The following CLDN25 variants were observed in gnomAD, a reference collection of about 807,000 sequenced individuals.
CLDN25 encodes the protein claudin 25.
For synonymous variants in CLDN25, 117 were observed against 112.7 expected (o/e 1.04, Z -0.24); for missense variants, 286 against 279.7 (o/e 1.02, Z -0.16).
rs371879188 is a variant in CLDN25 at position 113,779,919 on chromosome 11, G to T, written c.124G>T (p.Glu42Ter). 14 of 1,613,612 alleles carry T rather than the reference G, an allele frequency of 8.7e-6. No individual in the cohort carries two copies. The highest frequency in any genetic ancestry group is 8.0e-5 in the African/African-American group (6 of 74,694). The change falls in exon 1 of 1, where the codon GAG (glutamate) becomes TAG (stop). Residue 42 changes from glutamate (E) to a stop codon, truncating the protein, a stop_gained. Transcript: ENST00000453129. LOFTEE classifies it low-confidence loss of function (END_TRUNC). ...GAAGACTCTTAATCTGGAACTGAAC[G>T]AGATGGAGACCTGGATCATGGGGAT...
rs187854554 is a variant in CLDN25, at chr11:113,780,216, G to T, written c.421G>T (p.Ala141Ser). ...TACCCTCCTTCCAGTCTCCTGGGTGGCCCATGCCACAATCCAAGACTTCTG... is the reference window on the plus strand; with the variant it reads ...TACCCTCCTTCCAGTCTCCTGGGTGTCCCATGCCACAATCCAAGACTTCTG... The change falls in exon 1 of 1, where the codon GCC becomes TCC. Residue 141 changes from alanine to serine, a missense_variant. By Grantham distance (99) the Ala-to-Ser change is moderately conservative. Coordinates refer to ENST00000453129, the Ensembl canonical transcript of CLDN25. 8 of 1,613,870 alleles carry T rather than the reference G, an allele frequency of 5.0e-6. No homozygotes were observed. The African/African-American group carries it at 8.0e-5, about 16-fold the overall frequency.
exon 1 of CLDN25, chr11:113,780,286 G>A (rs745503566): frequency 6.2e-7 from 1 of 1,613,524 alleles, no homozygotes; most frequent in South Asian, 1.1e-5. Context: ...GAGTTTGGAG[G>A]TGCCCTCTAC....
At chr11:113,780,016 C>T (rs1457198405) in exon 1 of CLDN25, 1 of 1,613,862 alleles carries the variant, frequency 6.2e-7, no homozygotes, top group African/African-American at 1.3e-5. Flanking sequence ...TTGTCTCTGC[C>T]CCAGGAGCTC....
exon 1 of CLDN25, chr11:113,780,179 C>A: frequency 1.9e-6 from 3 of 1,613,936 alleles, no homozygotes. Flanking sequence ...TGGAGGCATC[C>A]GCTTCAGCCA....
exon 1 of CLDN25, chr11:113,779,976 G>A (rs749373712): frequency 7.4e-6 from 12 of 1,613,846 alleles, no homozygotes; most frequent in African/African-American, 4.0e-5. Flanking sequence ...AGAGGAAGTC[G>A]CCACTGTGTG....
At chr11:113,780,135 T>G in exon 1 of CLDN25, 1 of 1,614,016 alleles carries the variant, frequency 6.2e-7, no homozygotes, top group Middle Eastern at 1.6e-4. Flanking sequence ...CAGATGGGTA[T>G]TCAAGAGGCG....
At chr11:113,779,975 C>T (rs773431568) in exon 1 of CLDN25, 29 of 1,613,758 alleles carry the variant, frequency 1.8e-5, no homozygotes, top group East Asian at 1.6e-4. Context: ...GAGAGGAAGT[C>T]GCCACTGTGT....
rs1381984576 is a variant in CLDN25 at position 113,780,406 on chromosome 11, TC to T, written c.616del (p.Leu206TyrfsTer17). 1.9e-6 allele frequency: 3 copies of T among 1,613,706 alleles called. No individual in the cohort carries two copies. Among genetic ancestry groups the T allele is most frequent in the Non-Finnish European group, 1.7e-6 (2 of 1,179,840 alleles). ...TTTCCTTTGATGGCTGGTCCCACAG[TC>T]CCCCTATCCTGTGCTCCAGTGGAGG... is the stretch of plus-strand genomic sequence containing the variant. On this transcript the variant is annotated frameshift_variant, in exon 1 of 1. Transcript: ENST00000453129. LOFTEE classifies it low-confidence loss of function (END_TRUNC).
chr11:113,779,984 G>A, exon 1 of CLDN25: 1 of 1,614,028 alleles, frequency 6.2e-7, no homozygotes, highest in Non-Finnish European at 8.5e-7. Context: ...TCGCCACTGT[G>A]TGCAAGGCCT....
exon 1 of CLDN25, chr11:113,779,941 G>A (rs538478199): frequency 6.2e-7 from 1 of 1,614,052 alleles, no homozygotes; most frequent in African/African-American, 1.3e-5. Flanking sequence ...TGGATCATGG[G>A]GATTTGGGAG....
chr11:113,780,291 C>T, exon 1 of CLDN25: 1 of 1,613,624 alleles, frequency 6.2e-7, no homozygotes. Flanking sequence ...TGGAGGTGCC[C>T]TCTACTTGGG....
exon 1 of CLDN25, chr11:113,780,092 C>T (rs776123054): frequency 6.2e-6 from 10 of 1,613,888 alleles, no homozygotes; most frequent in Admixed American, 1.7e-5. Flanking sequence ...TGCTCTGCAG[C>T]TTTGGGTCTG....
Position 113,780,378 on chromosome 11 carries a change from C to G in CLDN25, c.583C>G (p.Pro195Ala). 1.9e-6 allele frequency: 3 copies of G among 1,613,874 alleles called. No homozygotes were observed. In the Admixed American group the frequency reaches 5.0e-5, roughly 27 times the overall value. ...GGCCTGCCTGGGAAAAGAAGATGTG[C>G]CTTTTCCTTTGATGGCTGGTCCCAC... Residue 195 changes from proline to alanine, a missense_variant, in exon 1 of 1, where the codon CCT becomes GCT. Physicochemically the swap from Pro to Ala is conservative, Grantham distance 27. Coordinates refer to ENST00000453129, the Ensembl canonical transcript of CLDN25.
exon 1 of CLDN25, chr11:113,779,814 G>A: frequency 3.7e-6 from 6 of 1,611,560 alleles, no homozygotes; most frequent in Non-Finnish European, 5.1e-6. Flanking sequence ...GAGTTTCCGT[G>A]CAAAAGTCCA....
chr11:113,780,200 T>A (rs748420331), exon 1 of CLDN25: 4 of 1,613,922 alleles, frequency 2.5e-6, no homozygotes, highest in Non-Finnish European at 2.5e-6. Flanking sequence ...CTACCCTCCT[T>A]CCAGTCTCCT....
rs765601504 is a variant in CLDN25, at chr11:113,780,248, C to G, written c.453C>G (p.Asp151Glu). ...CCACAATCCAAGACTTCTGGGATGA[C>G]AGCATCCCTGACATCATACCTCGGT... The change falls in exon 1 of 1, where the codon GAC becomes GAG. Residue 151 changes from aspartate to glutamate, a missense_variant. Coordinates refer to ENST00000453129, the Ensembl canonical transcript of CLDN25. The G allele has an allele frequency of 6.2e-7, 1 of 1,613,790 alleles. No homozygotes were observed. Among genetic ancestry groups the G allele is most frequent in the African/African-American group, 1.3e-5 (1 of 74,902 alleles).
exon 1 of CLDN25, chr11:113,779,820 G>A (rs1339497601): frequency 1.2e-6 from 2 of 1,612,250 alleles, no homozygotes; most frequent in Non-Finnish European, 1.7e-6. Context: ...CCGTGCAAAA[G>A]TCCAGCTCGG....
At chr11:113,780,412 T>C in exon 1 of CLDN25, 2 of 1,613,900 alleles carry the variant, frequency 1.2e-6, no homozygotes, top group Non-Finnish European at 1.7e-6. Context: ...ACAGTCCCCC[T>C]ATCCTGTGCT....
chr11:113,780,449 C>T (rs373289613), exon 1 of CLDN25: 840 of 1,613,764 alleles, frequency 5.2e-4, no homozygotes, highest in Middle Eastern at 1.8e-3. Flanking sequence ...ATGGCTCCTT[C>T]CACCTCATGC....
Sources: gnomAD v4.1 joint callset for allele counts on GRCh38, gnomAD v4.1.1 for gene constraint, MANE v1.5 for transcripts, NCBI Gene and HGNC (gene_info 2026-07-23, HGNC 2026-07-21) for gene names.